Variants in PARD3 observed in about 807,000 individuals in gnomAD.
PARD3 encodes par-3 family cell polarity regulator.
PARD3 carries 75 observed loss-of-function variants against 155.4 expected under a neutral mutation model. That is an observed-to-expected ratio of 0.48 (90% CI 0.40 to 0.58). The LOEUF is 0.58. Among genes scored for constraint, PARD3 ranks in the 20% least tolerant of loss-of-function variants. The probability of loss-of-function intolerance (pLI) is 0.00; values close to 1 mark genes in which losing one functional copy is unlikely to be tolerated. For synonymous variants in PARD3, 576 were observed against 610.5 expected, an observed-to-expected ratio of 0.94 and a Z score of 0.83; for missense variants, 1,642 against 1,721.7, an observed-to-expected ratio of 0.95 and a Z score of 0.82.
intron 2 of PARD3, among the ~76,000 whole-genome samples, chr10:34,572,640 CAAAA>C (rs1197487501): frequency 1.4e-5 from 1 of 69,644 alleles, no homozygotes. Context: ...GACTCTGTCT[CAAAA>C]AAAAAAAAAA....
chr10:34,767,028 G>GA (rs1410576050), intron 1 of PARD3, among the ~76,000 whole-genome samples: 3 of 152,132 alleles, frequency 2.0e-5, no homozygotes, highest in Non-Finnish European at 4.4e-5. Flanking sequence ...CAGCGCCCAG[G>GA]ACTCCTGCAG....
At position 34,781,458 on chromosome 10, in the gene PARD3, TCA is replaced by T. The variant is rs1840226309; in HGVS notation, c.120+33416_120+33417del. On this transcript the variant is annotated intron_variant, in intron 1 of 24. Coordinates refer to ENST00000374788, the MANE Select transcript of PARD3 (RefSeq NM_001184785.2). Reference sequence around the variant, plus strand: ...AGGTCTGCCAGATTTCAGCCTCCTTTCACAGATGAGGCTTGGTTTAAAAGGAA... The same window carrying T: ...AGGTCTGCCAGATTTCAGCCTCCTTTCAGATGAGGCTTGGTTTAAAAGGAA... Among the ~76,000 whole-genome samples, 3 of 152,316 alleles carry T rather than the reference TCA, an allele frequency of 2.0e-5. No individual in the cohort carries two copies. The South Asian group carries it at 6.2e-4, about 32-fold the overall frequency.
intron 1 of PARD3, among the ~76,000 whole-genome samples, chr10:34,728,132 A>C (rs192242003): frequency 6.7e-6 from 1 of 148,480 alleles, no homozygotes; most frequent in Admixed American, 6.9e-5. Context: ...GGCAAGAAAA[A>C]CACAGAGTAA....
At chr10:34,440,817 A>G (rs2076423960) in intron 5 of PARD3, among the ~76,000 whole-genome samples, 1 of 152,096 alleles carries the variant, frequency 6.6e-6, no homozygotes, top group Non-Finnish European at 1.5e-5. Flanking sequence ...CTCCATTCAT[A>G]TCACGAAGGG....
intron 14 of PARD3, among the ~76,000 whole-genome samples, chr10:34,357,628 A>G (rs1318761277): frequency 2.6e-5 from 4 of 152,190 alleles, no homozygotes; most frequent in African/African-American, 9.7e-5. Flanking sequence ...CGGAAAAGAG[A>G]AAAAAATATC....
intron 1 of PARD3, among the ~76,000 whole-genome samples, chr10:34,781,341 C>T (rs1369809527): frequency 6.6e-6 from 1 of 152,226 alleles, no homozygotes; most frequent in Non-Finnish European, 1.5e-5. Context: ...CCTAGGGCAA[C>T]TGGTATTTTC....
chr10:34,136,113 C>A (rs1281566487), intron 22 of PARD3, among the ~76,000 whole-genome samples: 1 of 152,188 alleles, frequency 6.6e-6, no homozygotes, highest in Non-Finnish European at 1.5e-5. Flanking sequence ...GCAGACGCTG[C>A]CTATTTTATC....
intron 1 of PARD3, among the ~76,000 whole-genome samples, chr10:34,752,744 C>T (rs982063272): frequency 1.2e-4 from 19 of 152,152 alleles, no homozygotes; most frequent in Non-Finnish European, 2.2e-4. Flanking sequence ...AGAAGGCGGA[C>T]GCTATTACCA....
At chr10:34,658,856 C>T (rs1359658781) in intron 2 of PARD3, among the ~76,000 whole-genome samples, 1 of 152,172 alleles carries the variant, frequency 6.6e-6, no homozygotes, top group Non-Finnish European at 1.5e-5. Flanking sequence ...CCTCAATTTC[C>T]TCACCTATAA....
chr10:34,324,099 GAA>G (rs1228943406), intron 19 of PARD3, among the ~76,000 whole-genome samples: 3 of 152,136 alleles, frequency 2.0e-5, no homozygotes, highest in Non-Finnish European at 4.4e-5. Flanking sequence ...TATGGTCAAA[GAA>G]AGAGATTTCA....
intron 1 of PARD3, among the ~76,000 whole-genome samples, chr10:34,784,436 C>T (rs1040693123): frequency 6.9e-6 from 1 of 144,376 alleles, no homozygotes; most frequent in Non-Finnish European, 1.5e-5. Context: ...TGGTATTTTC[C>T]AACATACTTT....
At chr10:34,509,936 T>G (rs1173021823) in intron 3 of PARD3, among the ~76,000 whole-genome samples, 2 of 152,190 alleles carry the variant, frequency 1.3e-5, no homozygotes, top group African/African-American at 2.4e-5. Flanking sequence ...TAACAAACAC[T>G]TTTGCCACTC....
chr10:34,245,097 T>C (rs1023952565), intron 22 of PARD3, among the ~76,000 whole-genome samples: 1 of 152,158 alleles, frequency 6.6e-6, no homozygotes, highest in Non-Finnish European at 1.5e-5. Flanking sequence ...CGGATACAGA[T>C]AGCTTTTAAC....
At chr10:34,517,181 G>A (rs777760826) in intron 2 of PARD3, 22 bp from the exon 3 acceptor site, 1 of 1,606,272 alleles carries the variant, frequency 6.2e-7, no homozygotes, top group Non-Finnish European at 8.5e-7. Context: ...AGGTAAATGT[G>A]CACTTATAAA....
chr10:34,298,332 C>T (rs1246329612), intron 20 of PARD3, among the ~76,000 whole-genome samples: 1 of 152,096 alleles, frequency 6.6e-6, no homozygotes, highest in East Asian at 1.9e-4. Flanking sequence ...TCACAGCAGC[C>T]TTATTACAAC....
At chr10:34,785,883 C>T (rs1033608893) in intron 1 of PARD3, among the ~76,000 whole-genome samples, 3 of 152,140 alleles carry the variant, frequency 2.0e-5, no homozygotes, top group Non-Finnish European at 4.4e-5. Context: ...CTATTTTATA[C>T]AGAACCCTAG....
At chr10:34,350,582 G>C (rs754061626) in intron 14 of PARD3, among the ~76,000 whole-genome samples, 1 of 133,534 alleles carries the variant, frequency 7.5e-6, no homozygotes, top group Admixed American at 8.3e-5. Flanking sequence ...GCAGTGAGCC[G>C]AGATCACGCC....
chr10:34,580,428 G>C (rs1422290775), intron 2 of PARD3, among the ~76,000 whole-genome samples: 1 of 152,050 alleles, frequency 6.6e-6, no homozygotes, highest in African/African-American at 2.4e-5. Context: ...CCAGCTACTC[G>C]GGAGGCTGAG....
At chr10:34,530,949 C>A (rs572399000) in intron 2 of PARD3, among the ~76,000 whole-genome samples, 1 of 152,338 alleles carries the variant, frequency 6.6e-6, no homozygotes, top group African/African-American at 2.4e-5. Flanking sequence ...GCGACAGTCC[C>A]TTACTGGCAA....
Sources: gnomAD v4.1 joint callset for allele counts (sites outside exome capture counted in the v4.1 genomes callset) on GRCh38, gnomAD v4.1.1 for gene constraint, MANE v1.5 for transcripts, NCBI Gene and HGNC (gene_info 2026-07-23, HGNC 2026-07-21) for gene names.